EYS: variants seen among roughly 807,000 people sequenced by gnomAD.
EYS encodes the protein EGF-like photoreceptor maintenance factor.
A neutral mutation model predicts 282.1 loss-of-function variants in EYS; 250 were observed. That is an observed-to-expected ratio of 0.89 (90% confidence interval 0.80 to 0.98). The LOEUF (loss-of-function observed/expected upper bound fraction) is 0.98. Ranked by LOEUF, EYS falls within the 50% of genes least tolerant of loss-of-function variation. EYS has a pLI of 0.00. For synonymous variants in EYS, 1,355 were observed against 1,282.9 expected (o/e 1.06, Z -1.20); for missense variants, 4,016 against 3,709.0 (o/e 1.08, Z -2.15).
At chr6:65,392,330 TTAAAC>T (rs1382828989) in intron 7 of EYS, among the ~76,000 whole-genome samples, 1 of 151,960 alleles carries the variant, frequency 6.6e-6, no homozygotes, top group African/African-American at 2.4e-5. Flanking sequence ...TGGGATCTAA[TTAAAC>T]TAAAGAGCTT....
intron 28 of EYS, 38 bp from the exon 29 acceptor site, chr6:64,388,878 T>C (rs1217289008): frequency 3.9e-6 from 5 of 1,282,774 alleles, no homozygotes; most frequent in Non-Finnish European, 5.2e-6. Flanking sequence ...TTAGTATAAG[T>C]CATATAAACA....
intron 35 of EYS, among the ~76,000 whole-genome samples, chr6:63,901,102 T>TTA (rs1378861876): frequency 6.6e-6 from 1 of 152,080 alleles, no homozygotes; most frequent in Admixed American, 6.5e-5. Flanking sequence ...AAAGCAGCTG[T>TTA]TATAAGTATG....
chr6:64,916,628 C>T (rs1490304055), intron 15 of EYS, among the ~76,000 whole-genome samples: 1 of 152,038 alleles, frequency 6.6e-6, no homozygotes, highest in African/African-American at 2.4e-5. Context: ...GAAATAATTT[C>T]AGGATTTAGT....
At chr6:65,490,288 A>G in intron 5 of EYS, 1 of 215,414 alleles carries the variant, frequency 4.6e-6, no homozygotes, top group Non-Finnish European at 9.3e-6. Context: ...TCAAATAAAC[A>G]CATGAACAAT....
At chr6:64,187,289 C>G (rs1048484939) in intron 31 of EYS, among the ~76,000 whole-genome samples, 2 of 152,028 alleles carry the variant, frequency 1.3e-5, no homozygotes, top group African/African-American at 4.8e-5. Flanking sequence ...TGAAGCATCT[C>G]TTTTCTCAAA....
At chr6:64,607,401 A>C (rs913408359) in intron 24 of EYS, among the ~76,000 whole-genome samples, 1 of 152,080 alleles carries the variant, frequency 6.6e-6, no homozygotes, top group African/African-American at 2.4e-5. Flanking sequence ...TATTTCTCAT[A>C]GATCAGGAGG....
chr6:65,090,182 G>A lies in EYS; in HGVS notation c.2024-32455C>T, dbSNP rs932314368. Among the ~76,000 whole-genome samples, 6 of 152,070 alleles carry A rather than the reference G, an allele frequency of 3.9e-5. No homozygotes were observed. In the East Asian group the frequency reaches 1.2e-3, roughly 29 times the overall value. ...AATACCCATAATCCCCAGGTGTCAA[G>A]GGCAGGACCAGGTGAAAGTAATTGG... On this transcript the variant is annotated intron_variant, in intron 12 of 42. Transcript: ENST00000503581.
intron 28 of EYS, among the ~76,000 whole-genome samples, chr6:64,411,416 T>C (rs750784333): frequency 1.3e-4 from 20 of 152,132 alleles, no homozygotes; most frequent in Non-Finnish European, 2.8e-4. Flanking sequence ...CAGAAGTAAG[T>C]TGGCAAAGTT....
chr6:65,502,287 A>G (rs1362660055), intron 2 of EYS, among the ~76,000 whole-genome samples: 1 of 151,790 alleles, frequency 6.6e-6, no homozygotes, highest in African/African-American at 2.4e-5. Flanking sequence ...TACTCAACTC[A>G]CACAAATCAT....
At chr6:64,538,998 C>G (rs1315298367) in intron 26 of EYS, among the ~76,000 whole-genome samples, 2 of 152,076 alleles carry the variant, frequency 1.3e-5, no homozygotes, top group Non-Finnish European at 2.9e-5. Context: ...AATCAATCAC[C>G]CGAGAATCTT....
At chr6:65,374,016 A>G (rs1765260668) in intron 8 of EYS, among the ~76,000 whole-genome samples, 1 of 152,218 alleles carries the variant, frequency 6.6e-6, no homozygotes, top group Non-Finnish European at 1.5e-5. Flanking sequence ...ATATGAAAAT[A>G]TCAAATGATA....
intron 26 of EYS, among the ~76,000 whole-genome samples, chr6:64,557,106 A>G (rs888654741): frequency 2.0e-5 from 3 of 151,880 alleles, no homozygotes; most frequent in African/African-American, 7.2e-5. Context: ...GGATTTTTCT[A>G]AAACAACTCC....
rs748407096 is a variant in EYS, at chr6:65,405,209, A to G, written c.1021T>C (p.Cys341Arg). 1.2e-5 allele frequency: 19 copies of G among 1,613,192 alleles called. No homozygotes were observed. The highest frequency in any genetic ancestry group is 1.4e-5 in the Non-Finnish European group (17 of 1,179,408). The change falls in exon 6 of 43, where the codon TGT becomes CGT. Residue 341 changes from cysteine (C) to arginine (R), a missense_variant. Physicochemically the swap from Cys to Arg is radical, Grantham distance 180. Coordinates refer to ENST00000503581, the MANE Select transcript of EYS (RefSeq NM_001142800.2). ...TTGATGCAGTCAGTACCATTCTGAC[A>G]TGGTACTAATGAAAACTCACTGACA... ...TDVSEFSLVP[C>R]QNGTDCIKIS...
At chr6:63,889,901 G>A (rs1037885097) in intron 35 of EYS, among the ~76,000 whole-genome samples, 1 of 151,668 alleles carries the variant, frequency 6.6e-6, no homozygotes, top group Non-Finnish European at 1.5e-5. Flanking sequence ...GTCACACATA[G>A]GCTCAAAATA....
chr6:64,203,999 G>C (rs985981111), intron 31 of EYS, among the ~76,000 whole-genome samples: 2 of 152,036 alleles, frequency 1.3e-5, no homozygotes, highest in Non-Finnish European at 2.9e-5. Context: ...TGCCTTCCAA[G>C]GTTCTTATCT....
At chr6:64,333,932 G>A (rs532671980) in intron 29 of EYS, among the ~76,000 whole-genome samples, 99 of 152,274 alleles carry the variant, frequency 6.5e-4, no homozygotes, top group African/African-American at 2.3e-3. Context: ...AATTGATGCC[G>A]CAAGACAATT....
intron 31 of EYS, among the ~76,000 whole-genome samples, chr6:64,091,001 C>T (rs1772339178): frequency 6.6e-6 from 1 of 152,098 alleles, no homozygotes; most frequent in Admixed American, 6.5e-5. Context: ...AAATAGTAAC[C>T]CTTTCAGTTT....
At chr6:65,391,991 G>C (rs1766055633) in intron 7 of EYS, among the ~76,000 whole-genome samples, 1 of 151,532 alleles carries the variant, frequency 6.6e-6, no homozygotes, top group Non-Finnish European at 1.5e-5. Context: ...CAATGGAACA[G>C]AACAGAGCCC....
intron 13 of EYS, among the ~76,000 whole-genome samples, chr6:65,013,067 C>G (rs1192708302): frequency 6.6e-6 from 1 of 152,094 alleles, no homozygotes; most frequent in Non-Finnish European, 1.5e-5. Context: ...GAACAAACAT[C>G]TACTCATGCA....
Sources: gnomAD v4.1 joint callset for allele counts (sites outside exome capture counted in the v4.1 genomes callset) on GRCh38, gnomAD v4.1.1 for gene constraint, MANE v1.5 for transcripts, NCBI Gene and HGNC (gene_info 2026-07-23, HGNC 2026-07-21) for gene names.